Variants in CNTN1 observed in about 807,000 individuals in gnomAD.
CNTN1 encodes the protein contactin-1.
CNTN1 carries 38 observed loss-of-function variants against 126.4 expected under a neutral mutation model. That is an observed-to-expected ratio of 0.30 (90% CI 0.23 to 0.39). CNTN1 has a LOEUF of 0.39. Ranked by LOEUF, CNTN1 falls within the 10% of genes least tolerant of loss-of-function variation. The pLI, the probability that CNTN1 is intolerant of heterozygous loss-of-function variation, is 1.00. For synonymous variants in CNTN1, 413 were observed against 422.6 expected, an observed-to-expected ratio of 0.98 and a Z score of 0.28; for missense variants, 1,009 against 1,248.4, an observed-to-expected ratio of 0.81 and a Z score of 2.89.
chr12:40,886,867 C>A (rs1944052541), intron 1 of CNTN1, among the ~76,000 whole-genome samples: 1 of 152,186 alleles, frequency 6.6e-6, no homozygotes, highest in Admixed American at 6.5e-5. Context: ...TGCCAAAGAT[C>A]AGATAGTTGT....
At chr12:41,067,364 T>C (rs1950067071) in intron 23 of CNTN1, among the ~76,000 whole-genome samples, 1 of 152,230 alleles carries the variant, frequency 6.6e-6, no homozygotes, top group East Asian at 1.9e-4. Flanking sequence ...CCACAGTTTG[T>C]ACTTTGCCAA....
At chr12:41,048,476 G>T (rs191039271) in intron 23 of CNTN1, among the ~76,000 whole-genome samples, 1 of 152,190 alleles carries the variant, frequency 6.6e-6, no homozygotes, top group East Asian at 1.9e-4. Context: ...TAAGATCCTG[G>T]CTGAATGTTC....
Position 40,837,301 on chromosome 12 carries a change from C to T in CNTN1, c.-76-71056C>T, listed in dbSNP as rs148122681. Among the ~76,000 whole-genome samples the T allele has an allele frequency of 2.6e-3, 395 of 152,172 alleles. 1 individual carries two copies. Among genetic ancestry groups the T allele is most frequent in the Middle Eastern group, 6.8e-3 (2 of 294 alleles). On this transcript the variant is annotated intron_variant, in intron 1 of 23. Transcript: ENST00000551295. The stretch of plus-strand genomic sequence containing the variant: ...ATTCAATAAGGAAGTGACAAAAACA[C>T]CAAAAGCAGGAAGGAGAAGGGAGAG...
chr12:40,701,687 G>A (rs1941599237), intron 1 of CNTN1, among the ~76,000 whole-genome samples: 1 of 151,942 alleles, frequency 6.6e-6, no homozygotes, highest in Admixed American at 6.6e-5. Context: ...TATTATTTTG[G>A]AGAGCATAAC....
intron 4 of CNTN1, among the ~76,000 whole-genome samples, chr12:40,920,994 C>G (rs545812054): frequency 6.6e-6 from 1 of 152,260 alleles, no homozygotes; most frequent in African/African-American, 2.4e-5. Context: ...AGCTGCCCAA[C>G]AAAGAAACCC....
At chr12:40,917,071 G>GGGA (rs1555179764) in intron 3 of CNTN1, among the ~76,000 whole-genome samples, 23 of 123,552 alleles carry the variant, frequency 1.9e-4, no homozygotes, top group East Asian at 3.2e-4. Flanking sequence ...CGGGGGGGGG[G>GGGA]GCAGAACTAA....
intron 1 of CNTN1, among the ~76,000 whole-genome samples, chr12:40,810,572 C>A (rs966603831): frequency 2.7e-5 from 4 of 149,050 alleles, no homozygotes; most frequent in African/African-American, 9.9e-5. Context: ...ACCTAACCTT[C>A]TATTCTGTTT....
At chr12:40,794,642 G>T (rs1940343556) in intron 1 of CNTN1, among the ~76,000 whole-genome samples, 1 of 151,978 alleles carries the variant, frequency 6.6e-6, no homozygotes, top group Admixed American at 6.6e-5. Flanking sequence ...CCTTGTTAAT[G>T]CATTACACTT....
At chr12:40,943,970 G>T (rs970075868) in intron 13 of CNTN1, 25 bp from the exon 14 acceptor site, 2 of 1,602,686 alleles carry the variant, frequency 1.2e-6, no homozygotes, top group East Asian at 4.5e-5. Context: ...TTCTTGAATT[G>T]TGCTTTACAT....
In CNTN1 at chr12:40,770,632, G is replaced by A. The variant is rs572184123; in HGVS notation, c.-77+78040G>A. On this transcript the variant is annotated intron_variant, in intron 1 of 23. Coordinates refer to ENST00000551295, the MANE Select transcript of CNTN1 (RefSeq NM_001843.4). ...ATAGCCTATACCAATTCACATATTG[G>A]GTTCAAATAGGAATTTTAGAGTCTA... 1.2e-4 allele frequency among the ~76,000 whole-genome samples: 18 copies of A among 152,012 alleles called. 1 individual carries two copies. Among genetic ancestry groups the A allele is most frequent in the African/African-American group, 4.1e-4 (17 of 41,472 alleles).
At position 40,789,699 on chromosome 12, in the gene CNTN1, T is replaced by TGTTGCAATG; in HGVS notation, c.-77+97107_-77+97108insGTTGCAATG. On this transcript the variant is annotated intron_variant, in intron 1 of 23. Coordinates refer to ENST00000551295, the MANE Select transcript of CNTN1 (RefSeq NM_001843.4). ...CATATATACCTAAATTTTAATATCC[T>TGTTGCAATG]ATTTTTTACTTCATGTTTCATTGTG... Among the ~76,000 whole-genome samples the TGTTGCAATG allele has an allele frequency of 1.2e-3, 2 of 1,628 alleles. 1 individual carries two copies. The highest frequency in any genetic ancestry group is 0.05 in the East Asian group (2 of 40). 1.1% of individuals were successfully genotyped at this position (1,628 alleles called of 152,430 possible).
At chr12:40,773,976 A>G (rs1939476959) in intron 1 of CNTN1, among the ~76,000 whole-genome samples, 2 of 151,330 alleles carry the variant, frequency 1.3e-5, no homozygotes, top group Admixed American at 6.6e-5. Context: ...TTTCTCTACA[A>G]TTTAAGCTCA....
intron 1 of CNTN1, among the ~76,000 whole-genome samples, chr12:40,849,023 G>T (rs968691042): frequency 2.6e-5 from 4 of 152,050 alleles, no homozygotes; most frequent in African/African-American, 9.7e-5. Context: ...GAGTTAAAAG[G>T]ATCAATAAAT....
chr12:40,933,300 G>C (rs570716833), intron 7 of CNTN1, among the ~76,000 whole-genome samples, 161 bp from the exon 8 acceptor site: 28 of 151,898 alleles, frequency 1.8e-4, no homozygotes, highest in African/African-American at 5.8e-4. Context: ...TATTCATACT[G>C]TGCATAAACA....
In CNTN1 at chr12:40,936,882, C is replaced by T. The variant is rs1420715793; in HGVS notation, c.1087C>T (p.Arg363Ter). The T allele has an allele frequency of 2.5e-6, 4 of 1,612,940 alleles. No individual in the cohort carries two copies. The highest frequency in any genetic ancestry group is 2.7e-5 in the African/African-American group (2 of 74,824). The part of the protein sequence containing the change: ...VATGKPIPTI[R>*]WLKNGYAYHK... The stretch of plus-strand genomic sequence containing the variant: ...CACAGGAAAGCCCATCCCTACAATC[C>T]GATGGTTGAAAAATGGATATGCGGT... The change falls in exon 10 of 24, where the codon CGA (arginine) becomes TGA (stop). Residue 363 changes from arginine (R) to a stop codon, truncating the protein, a stop_gained. Transcript: ENST00000551295. LOFTEE classifies it high-confidence loss of function.
At chr12:41,008,815 C>A (rs929911700) in intron 17 of CNTN1, among the ~76,000 whole-genome samples, 1 of 152,146 alleles carries the variant, frequency 6.6e-6, no homozygotes. Flanking sequence ...TACAAGATCC[C>A]TTCTTATATA....
intron 1 of CNTN1, among the ~76,000 whole-genome samples, chr12:40,737,357 GTGTATATA>G (rs1260721024): frequency 1.9e-5 from 2 of 105,072 alleles, no homozygotes; most frequent in Non-Finnish European, 3.8e-5. Context: ...ATATGTGTGT[GTGTATATA>G]TATATATATA....
chr12:40,879,564 TAAGA>T (rs1401028058), intron 1 of CNTN1, among the ~76,000 whole-genome samples: 1 of 151,980 alleles, frequency 6.6e-6, no homozygotes, highest in East Asian at 1.9e-4. Context: ...AAAAGAAAAT[TAAGA>T]AAGGAGTGAG....
At chr12:41,040,832 TC>T (rs1949386822) in intron 23 of CNTN1, among the ~76,000 whole-genome samples, 5 of 148,026 alleles carry the variant, frequency 3.4e-5, no homozygotes, top group Admixed American at 3.4e-4. Flanking sequence ...AATGGGGTTT[TC>T]TAGATATACA....
Sources: gnomAD v4.1 joint callset for allele counts (sites outside exome capture counted in the v4.1 genomes callset) on GRCh38, gnomAD v4.1.1 for gene constraint, MANE v1.5 for transcripts, NCBI Gene and HGNC (gene_info 2026-07-23, HGNC 2026-07-21) for gene names.